The following MYT1L variants were observed in gnomAD, a reference collection of about 807,000 sequenced individuals.
The protein encoded by MYT1L is myelin transcription factor 1 like, also known as myelin transcription factor 1-like protein.
MYT1L carries 12 observed loss-of-function variants against 126.7 expected under a neutral mutation model. That is an observed-to-expected ratio of 0.09 (90% CI 0.06 to 0.15). The LOEUF (loss-of-function observed/expected upper bound fraction) is 0.15, where lower values mean the gene tolerates loss of function less well. MYT1L is among the 10% of genes least tolerant of loss of function. The pLI, the probability that MYT1L is intolerant of heterozygous loss-of-function variation, is 1.00. For missense variants in MYT1L, 979 were observed against 1,585.2 expected, an observed-to-expected ratio of 0.62 and a Z score of 6.49; for synonymous variants, 541 against 604.2, an observed-to-expected ratio of 0.90 and a Z score of 1.53.
chr2:1,942,390 G>T (rs1403613226), intron 9 of MYT1L, among the ~76,000 whole-genome samples: 1 of 152,168 alleles, frequency 6.6e-6, no homozygotes, highest in Non-Finnish European at 1.5e-5. Context: ...GGAAACCCCA[G>T]ATCAGAAACA....
intron 8 of MYT1L, among the ~76,000 whole-genome samples, chr2:1,965,874 C>G (rs1225262048): frequency 6.6e-6 from 1 of 152,246 alleles, no homozygotes; most frequent in Non-Finnish European, 1.5e-5. Context: ...CTTTGCCTGG[C>G]ATGCAGAGCA....
chr2:2,170,603 A>G (rs2089897730), intron 3 of MYT1L, among the ~76,000 whole-genome samples: 2 of 152,268 alleles, frequency 1.3e-5, no homozygotes, highest in African/African-American at 4.8e-5. Context: ...ATTTTCATTA[A>G]CATAGCAATG....
intron 3 of MYT1L, among the ~76,000 whole-genome samples, chr2:2,148,823 T>G (rs1483366448): frequency 6.6e-6 from 1 of 152,202 alleles, no homozygotes; most frequent in Non-Finnish European, 1.5e-5. Flanking sequence ...AGGCAGATAT[T>G]GTCTTTGATG....
At chr2:2,004,290 C>CGTTCTTTCCTGCATGG (rs1558698082) in intron 4 of MYT1L, among the ~76,000 whole-genome samples, 21 of 139,320 alleles carry the variant, frequency 1.5e-4, no homozygotes, top group African/African-American at 5.1e-4. Context: ...TTCCTGCATG[C>CGTTCTTTCCTGCATGG]GTTCTTTCCT....
chr2:1,977,005 C>T (rs1024626673), intron 8 of MYT1L, among the ~76,000 whole-genome samples: 1 of 152,004 alleles, frequency 6.6e-6, no homozygotes, highest in Non-Finnish European at 1.5e-5. Context: ...GCCAAGTAAC[C>T]GGGAAATAGT....
intron 21 of MYT1L, among the ~76,000 whole-genome samples, chr2:1,812,502 G>C (rs1010023527): frequency 6.6e-6 from 1 of 152,172 alleles, no homozygotes; most frequent in African/African-American, 2.4e-5. Context: ...CAGGGTGAGT[G>C]TGAGTGCACC....
At chr2:2,167,068 T>C (rs993207307) in intron 3 of MYT1L, among the ~76,000 whole-genome samples, 1 of 152,164 alleles carries the variant, frequency 6.6e-6, no homozygotes, top group African/African-American at 2.4e-5. Context: ...GGCAAGTGTG[T>C]CTTGGGTTCT....
intron 18 of MYT1L, among the ~76,000 whole-genome samples, chr2:1,860,835 G>A (rs1024090600): frequency 1.3e-5 from 2 of 152,050 alleles, no homozygotes; most frequent in African/African-American, 4.8e-5. Flanking sequence ...TTAATGGTGG[G>A]GGCTGGGAGC....
chr2:2,014,698 T>C (rs2064193717), intron 4 of MYT1L, among the ~76,000 whole-genome samples: 1 of 152,156 alleles, frequency 6.6e-6, no homozygotes, highest in South Asian at 2.1e-4. Context: ...TGAATGCAGA[T>C]AAGATGTATT....
At chr2:2,321,604 T>C (rs1370972953) in intron 1 of MYT1L, among the ~76,000 whole-genome samples, 1 of 152,110 alleles carries the variant, frequency 6.6e-6, no homozygotes, top group Non-Finnish European at 1.5e-5. Flanking sequence ...TGAGGGCCAT[T>C]AAAACACACT....
At chr2:2,185,526 TCTGTG>T in intron 2 of MYT1L, among the ~76,000 whole-genome samples, 1 of 127,836 alleles carries the variant, frequency 7.8e-6, no homozygotes, top group Admixed American at 7.7e-5. Context: ...CCGCGTTCCT[TCTGTG>T]AGGCGGACGC....
chr2:1,974,212 G>A (rs2060010642), intron 8 of MYT1L, among the ~76,000 whole-genome samples: 2 of 152,124 alleles, frequency 1.3e-5, no homozygotes, highest in Admixed American at 1.3e-4. Context: ...TGCTTTGTGA[G>A]CTTGGTGGCT....
intron 18 of MYT1L, among the ~76,000 whole-genome samples, chr2:1,854,188 G>A (rs1412039076): frequency 6.6e-6 from 1 of 152,124 alleles, no homozygotes; most frequent in Non-Finnish European, 1.5e-5. Flanking sequence ...GGCTGTTGGA[G>A]AACCTGAACT....
At chr2:2,282,682 A>C (rs573306482) in intron 2 of MYT1L, among the ~76,000 whole-genome samples, 1 of 152,354 alleles carries the variant, frequency 6.6e-6, no homozygotes, top group African/African-American at 2.4e-5. Flanking sequence ...TAAAAATCCA[A>C]CTTATGAAAT....
At chr2:2,000,294 T>C (rs1349152005) in intron 4 of MYT1L, among the ~76,000 whole-genome samples, 1 of 151,812 alleles carries the variant, frequency 6.6e-6, no homozygotes, top group Non-Finnish European at 1.5e-5. Flanking sequence ...GGCAGGGGGG[T>C]CAAGAACCTA....
intron 1 of MYT1L, chr2:2,303,715 CA>C (rs1256093092): frequency 5.3e-5 from 8 of 152,332 alleles, no homozygotes; most frequent in African/African-American, 1.7e-4. Flanking sequence ...CGTTTAACAC[CA>C]AACAAACCAA....
intron 18 of MYT1L, among the ~76,000 whole-genome samples, chr2:1,875,075 C>A (rs2046732220): frequency 6.6e-6 from 1 of 151,604 alleles, no homozygotes; most frequent in South Asian, 2.1e-4. Flanking sequence ...GGATTTTAAA[C>A]AATGGGCAAC....
intron 18 of MYT1L, among the ~76,000 whole-genome samples, chr2:1,857,605 G>T (rs2148586371): frequency 6.6e-6 from 1 of 151,936 alleles, no homozygotes; most frequent in South Asian, 2.1e-4. Flanking sequence ...CACAAAATAT[G>T]AAAAAATAGA....
chr2:1,791,351 A>T lies in MYT1L; in HGVS notation c.*516T>A. ...TTGCAACGAATTCTTGCTATGAAAC[A>T]ATATGCACACAAAATGTATTTCTTA... On this transcript the variant is annotated 3_prime_UTR_variant, in exon 25 of 25. Coordinates refer to ENST00000647738, the MANE Select transcript of MYT1L (RefSeq NM_001303052.2). This position sits in a 1 kb window ranked among gnomAD's most constrained non-coding sequence, Gnocchi z 6.0. 2.3e-6 allele frequency: 1 copy of T among 442,522 alleles called. No homozygotes were observed. The highest frequency in any genetic ancestry group is 4.6e-6 in the Non-Finnish European group (1 of 215,246). 27.4% of individuals were successfully genotyped at this position (442,522 alleles called of 1,614,324 possible).
Sources: allele counts gnomAD v4.1 joint callset (sites outside exome capture counted in the v4.1 genomes callset), GRCh38; gene constraint gnomAD v4.1.1; non-coding constraint Gnocchi (gnomAD v3.1); transcripts MANE v1.5; gene names NCBI Gene and HGNC (gene_info 2026-07-23, HGNC 2026-07-21).